PRIMPOL: variants seen among roughly 807,000 people sequenced by gnomAD.
PRIMPOL encodes the protein DNA-directed primase/polymerase protein.
A neutral mutation model predicts 63.6 loss-of-function variants in PRIMPOL; 54 were observed. That is an observed-to-expected ratio of 0.85 (90% CI 0.68 to 1.07). The LOEUF is 1.07. PRIMPOL is among the 50% of genes least tolerant of loss of function. PRIMPOL has a pLI of 0.00. For synonymous variants in PRIMPOL, 197 were observed against 220.2 expected, an observed-to-expected ratio of 0.89 and a Z score of 0.93; for missense variants, 610 against 648.3, an observed-to-expected ratio of 0.94 and a Z score of 0.64.
chr4:184,655,355 G>T (rs1746075832), intron 2 of PRIMPOL, among the ~76,000 whole-genome samples: 4 of 133,816 alleles, frequency 3.0e-5, no homozygotes, highest in South Asian at 2.4e-4. Context: ...ATGGAGTCTT[G>T]CCCTGTCACC....
At chr4:184,670,779 C>T (rs1301270190) in intron 6 of PRIMPOL, among the ~76,000 whole-genome samples, 1 of 152,078 alleles carries the variant, frequency 6.6e-6, no homozygotes, top group Non-Finnish European at 1.5e-5. Flanking sequence ...AACTCCTTAC[C>T]TCAAGTGATC....
At chr4:184,682,992 G>A (rs1756050540) in intron 9 of PRIMPOL, among the ~76,000 whole-genome samples, 1 of 152,220 alleles carries the variant, frequency 6.6e-6, no homozygotes. Flanking sequence ...TGAAGCTACA[G>A]TGAGTCTTGT....
chr4:184,687,556 G>A (rs182491214), intron 11 of PRIMPOL, among the ~76,000 whole-genome samples: 248 of 152,146 alleles, frequency 1.6e-3, no homozygotes, highest in African/African-American at 5.6e-3. Flanking sequence ...TCTTTTCCTC[G>A]CTTTTATGAT....
At chr4:184,673,138 T>TTTC in intron 7 of PRIMPOL, among the ~76,000 whole-genome samples, 1 of 150,706 alleles carries the variant, frequency 6.6e-6, no homozygotes, top group East Asian at 1.9e-4. Context: ...TCTTTTTCTT[T>TTTC]TTTTTTTTTG....
At position 184,692,709 on chromosome 4, in the gene PRIMPOL, C is replaced by T. The variant is rs1579703713; in HGVS notation, c.1425+997C>T. 4.0e-5 allele frequency among the ~76,000 whole-genome samples: 6 copies of T among 151,830 alleles called. No individual in the cohort carries two copies. In the South Asian group the frequency reaches 1.2e-3, roughly 32 times the overall value. On this transcript the variant is annotated intron_variant, in intron 13 of 13. Transcript: ENST00000314970. ...ATTTTTAGTACCTATTATCAAATTG[C>T]TCTCCATAAAAAGTATAGGATATTA...
chr4:184,669,865 A>G (rs890361726), intron 6 of PRIMPOL, among the ~76,000 whole-genome samples: 4 of 152,328 alleles, frequency 2.6e-5, no homozygotes, highest in African/African-American at 9.6e-5. Flanking sequence ...TGCAGAGAAT[A>G]TGAAGTAATT....
chr4:184,680,104 C>T (rs1336790982), intron 8 of PRIMPOL, among the ~76,000 whole-genome samples: 1 of 152,172 alleles, frequency 6.6e-6, no homozygotes, highest in African/African-American at 2.4e-5. Flanking sequence ...TTTTTCTAGG[C>T]TGGCAACTTT....
At chr4:184,651,063 G>A (rs1006295780) in intron 1 of PRIMPOL, among the ~76,000 whole-genome samples, 9 of 152,160 alleles carry the variant, frequency 5.9e-5, no homozygotes, top group African/African-American at 2.2e-4. Context: ...GCCGAGGCAG[G>A]TGGATCACGA....
chr4:184,685,292 G>T, intron 9 of PRIMPOL, 117 bp from the exon 10 acceptor site: 1 of 714,786 alleles, frequency 1.4e-6, no homozygotes, highest in Non-Finnish European at 2.4e-6. Context: ...AAATTGCAAA[G>T]AGTGAGGGAA....
intron 4 of PRIMPOL, among the ~76,000 whole-genome samples, chr4:184,661,567 G>A (rs1231815397): frequency 6.6e-6 from 1 of 152,194 alleles, no homozygotes; most frequent in East Asian, 1.9e-4. Context: ...TTAACCAGGC[G>A]TGGTGGCGTG....
intron 1 of PRIMPOL, among the ~76,000 whole-genome samples, chr4:184,650,536 G>A (rs1744003239): frequency 6.6e-6 from 1 of 152,224 alleles, no homozygotes; most frequent in Non-Finnish European, 1.5e-5. Flanking sequence ...GTTGGCAAAT[G>A]CCTTATGAAA....
intron 9 of PRIMPOL, among the ~76,000 whole-genome samples, chr4:184,683,451 A>G (rs971440880): frequency 4.6e-5 from 7 of 152,148 alleles, no homozygotes; most frequent in African/African-American, 1.4e-4. Flanking sequence ...TTATTCACTA[A>G]TTTCACTAAT....
At chr4:184,686,691 A>G (rs1757051955) in intron 11 of PRIMPOL, among the ~76,000 whole-genome samples, 1 of 152,162 alleles carries the variant, frequency 6.6e-6, no homozygotes, top group African/African-American at 2.4e-5. Context: ...CAACTCCCGT[A>G]TCCTCAAGCA....
chr4:184,694,270 A>G (rs1759915223), intron 13 of PRIMPOL: 4 of 1,208,280 alleles, frequency 3.3e-6, no homozygotes, highest in Admixed American at 3.8e-5. Context: ...GGGAGTATTG[A>G]AAAGTATGTG....
intron 8 of PRIMPOL, among the ~76,000 whole-genome samples, chr4:184,681,532 ATTAT>A (rs1345519182): frequency 2.0e-5 from 3 of 151,780 alleles, no homozygotes; most frequent in Admixed American, 6.6e-5. Flanking sequence ...TTTAATTTGT[ATTAT>A]TTTTATTATT....
At chr4:184,666,130 A>C in intron 6 of PRIMPOL, 66 bp downstream of exon 6, 1 of 1,302,150 alleles carries the variant, frequency 7.7e-7, no homozygotes, top group Non-Finnish European at 1.0e-6. Flanking sequence ...TATTCCTCTT[A>C]AAATTTTGTG....
At chr4:184,669,533 G>A (rs1224493555) in intron 6 of PRIMPOL, among the ~76,000 whole-genome samples, 4 of 152,202 alleles carry the variant, frequency 2.6e-5, no homozygotes, top group African/African-American at 9.7e-5. Context: ...ATGGCTACTA[G>A]CCACAGGCCG....
intron 11 of PRIMPOL, among the ~76,000 whole-genome samples, chr4:184,687,372 A>T (rs1757261642): frequency 6.6e-6 from 1 of 151,550 alleles, no homozygotes; most frequent in Non-Finnish European, 1.5e-5. Flanking sequence ...CACCCAGCCG[A>T]TAACACACTT....
chr4:184,692,471 C>CAAAAAAAAA (rs60321808), intron 13 of PRIMPOL, among the ~76,000 whole-genome samples: 1 of 73,806 alleles, frequency 1.4e-5, no homozygotes, highest in Non-Finnish European at 2.8e-5. Context: ...GACTCTGCCT[C>CAAAAAAAAA]AAAAAAAAAA....
Sources: gnomAD v4.1 joint callset for allele counts (sites outside exome capture counted in the v4.1 genomes callset) on GRCh38, gnomAD v4.1.1 for gene constraint, MANE v1.5 for transcripts, NCBI Gene and HGNC (gene_info 2026-07-23, HGNC 2026-07-21) for gene names.